The following C12orf42 variants were observed in gnomAD, a reference collection of about 807,000 sequenced individuals.
C12orf42 encodes the protein uncharacterized protein C12orf42.
A neutral mutation model predicts 21.6 loss-of-function variants in C12orf42; 25 were observed. The ratio of observed to expected loss-of-function variants is 1.16; its 90% CI spans 0.84 to 1.62. The LOEUF is 1.62. C12orf42 is among the 40% of genes most tolerant of loss of function. The probability of loss-of-function intolerance (pLI) is 0.00; values close to 1 mark genes in which losing one functional copy is unlikely to be tolerated. For missense variants in C12orf42, 483 were observed against 459.3 expected (o/e 1.05, Z -0.47); for synonymous variants, 174 against 175.0 (o/e 0.99, Z 0.05).
the C12orf42 span, among the ~76,000 whole-genome samples, chr12:103,110,166 C>T: frequency 1.3e-5 from 2 of 152,262 alleles, no homozygotes; most frequent in African/African-American, 2.4e-5. Flanking sequence ...ACATGTCCAT[C>T]AGCAGAGGAT....
At chr12:103,206,521 T>TACACACAC in the C12orf42 span, among the ~76,000 whole-genome samples, 41 of 148,728 alleles carry the variant, frequency 2.8e-4, no homozygotes, top group African/African-American at 8.4e-4. Flanking sequence ...TTTTCTATAT[T>TACACACAC]ACACACACAC....
At chr12:103,168,321 C>T in the C12orf42 span, 1 of 287,628 alleles carries the variant, frequency 3.5e-6, no homozygotes, top group Admixed American at 4.9e-5. Flanking sequence ...AACTGACATG[C>T]TACTTGAGCA....
At chr12:103,106,418 G>A in the C12orf42 span, among the ~76,000 whole-genome samples, 3 of 151,930 alleles carry the variant, frequency 2.0e-5, no homozygotes, top group Admixed American at 1.3e-4. Flanking sequence ...AAACATGTGG[G>A]TAAAAATAAA....
the C12orf42 span, among the ~76,000 whole-genome samples, chr12:103,231,403 T>C: frequency 6.6e-6 from 1 of 152,214 alleles, no homozygotes; most frequent in Non-Finnish European, 1.5e-5. Flanking sequence ...ATATCCACCA[T>C]TATAGTAACA....
At chr12:103,220,114 C>A in the C12orf42 span, among the ~76,000 whole-genome samples, 1 of 152,126 alleles carries the variant, frequency 6.6e-6, no homozygotes, top group Non-Finnish European at 1.5e-5. Flanking sequence ...TTTGCAGGGA[C>A]ATGGATGAAA....
chr12:103,323,500 GC>G (rs1275925864), intron 4 of C12orf42, among the ~76,000 whole-genome samples: 1 of 152,080 alleles, frequency 6.6e-6, no homozygotes, highest in Admixed American at 6.6e-5. Flanking sequence ...ATACAGTTTA[GC>G]AACAGGAAAA....
chr12:103,056,939 A>G, the C12orf42 span, among the ~76,000 whole-genome samples: 2 of 152,132 alleles, frequency 1.3e-5, no homozygotes, highest in Non-Finnish European at 2.9e-5. Flanking sequence ...CATTTTAAAG[A>G]TGGCTGCTTT....
At chr12:103,296,553 T>C (rs1218796533) in intron 4 of C12orf42, among the ~76,000 whole-genome samples, 1 of 152,222 alleles carries the variant, frequency 6.6e-6, no homozygotes, top group Non-Finnish European at 1.5e-5. Flanking sequence ...TGATCGCCAT[T>C]CTAACTGGTG....
chr12:103,551,712 G>A, the C12orf42 span, among the ~76,000 whole-genome samples: 1 of 152,138 alleles, frequency 6.6e-6, no homozygotes, highest in Admixed American at 6.5e-5. Context: ...AGCTACTCAG[G>A]AGGCTGAGAG....
chr12:103,089,619 C>CTGTGTGTGTGTGTG, the C12orf42 span, among the ~76,000 whole-genome samples: 26 of 145,588 alleles, frequency 1.8e-4, no homozygotes, highest in African/African-American at 6.0e-4. Flanking sequence ...GTGTGTGTGT[C>CTGTGTGTGTGTGTG]TGTGTGTGTG....
intron 2 of C12orf42, among the ~76,000 whole-genome samples, chr12:103,472,602 G>T (rs1953716037): frequency 6.6e-6 from 1 of 152,178 alleles, no homozygotes; most frequent in African/African-American, 2.4e-5. Flanking sequence ...AAAGAATTGT[G>T]ATATGGCAGA....
At chr12:103,338,193 T>C (rs1163683642) in intron 4 of C12orf42, among the ~76,000 whole-genome samples, 3 of 152,178 alleles carry the variant, frequency 2.0e-5, no homozygotes, top group Admixed American at 1.3e-4. Flanking sequence ...TTTAGAAAAT[T>C]TACATTTAAA....
At chr12:103,118,173 T>C in the C12orf42 span, among the ~76,000 whole-genome samples, 1 of 152,220 alleles carries the variant, frequency 6.6e-6, no homozygotes, top group African/African-American at 2.4e-5. Context: ...TGTATGTGCC[T>C]GCCTTCCTCA....
At chr12:103,055,112 C>T in the C12orf42 span, among the ~76,000 whole-genome samples, 1 of 151,966 alleles carries the variant, frequency 6.6e-6, no homozygotes, top group South Asian at 2.1e-4. Context: ...CCTTTCTCTT[C>T]TATTTTCTGG....
At chr12:103,273,479 A>T (rs2136273502) in intron 5 of C12orf42, among the ~76,000 whole-genome samples, 1 of 152,302 alleles carries the variant, frequency 6.6e-6, no homozygotes, top group Non-Finnish European at 1.5e-5. Flanking sequence ...TATCACTCCA[A>T]CTACTAGAGG....
At chr12:103,480,719 TATTA>T (rs1468220913) in intron 1 of C12orf42, among the ~76,000 whole-genome samples, 5 of 151,744 alleles carry the variant, frequency 3.3e-5, no homozygotes, top group Admixed American at 2.6e-4. Flanking sequence ...ATCTTTTTGC[TATTA>T]ATTTTTAAAT....
intron 2 of C12orf42, among the ~76,000 whole-genome samples, chr12:103,415,214 T>A: frequency 6.6e-6 from 1 of 152,112 alleles, no homozygotes; most frequent in Admixed American, 6.5e-5. Flanking sequence ...TACAATCTAA[T>A]AAGAAGCCTT....
At chr12:103,519,638 A>G in the C12orf42 span, among the ~76,000 whole-genome samples, 2 of 152,158 alleles carry the variant, frequency 1.3e-5, no homozygotes. Flanking sequence ...CCCATACAGA[A>G]AAAAACATAA....
At chr12:103,179,972 A>C in the C12orf42 span, among the ~76,000 whole-genome samples, 76 of 152,130 alleles carry the variant, frequency 5.0e-4, no homozygotes, top group Non-Finnish European at 8.1e-4. Context: ...GAATGATCTG[A>C]AGGTGAAGGA....
Sources: allele counts gnomAD v4.1 joint callset (sites outside exome capture counted in the v4.1 genomes callset), GRCh38; gene constraint gnomAD v4.1.1; transcripts MANE v1.5; gene names NCBI Gene and HGNC (gene_info 2026-07-23, HGNC 2026-07-21).